SMYD3: variants seen among roughly 807,000 people sequenced by gnomAD.
The protein encoded by SMYD3 is SET and MYND domain containing 3.
A neutral mutation model predicts 57.7 loss-of-function variants in SMYD3; 36 were observed. That is an observed-to-expected ratio of 0.62 (90% CI 0.48 to 0.82). The LOEUF is 0.82. Ranked by LOEUF, SMYD3 falls within the 40% of genes least tolerant of loss-of-function variation. The probability of loss-of-function intolerance (pLI) is 0.00; values close to 1 mark genes in which losing one functional copy is unlikely to be tolerated. For missense variants in SMYD3, 515 were observed against 538.8 expected (o/e 0.96, Z 0.44); for synonymous variants, 211 against 195.0 (o/e 1.08, Z -0.68).
intron 10 of SMYD3, among the ~76,000 whole-genome samples, chr1:245,799,448 T>TTTAGTCCCTCCTGCCTACCTTCTACTCTA (rs2047747254): frequency 1.8e-4 from 1 of 5,608 alleles, no homozygotes; most frequent in Non-Finnish European, 4.1e-4. Context: ...CAAGTGCTGT[T>TTTAGTCCCTCCTGCCTACCTTCTACTCTA]ATAGTCCCTC....
chr1:246,381,303 T>C (rs1281048348), intron 1 of SMYD3, among the ~76,000 whole-genome samples: 1 of 152,198 alleles, frequency 6.6e-6, no homozygotes, highest in African/African-American at 2.4e-5. Context: ...CCAGCGAATA[T>C]CTGGTAGATA....
chr1:246,406,298 T>C (rs2066865462), intron 1 of SMYD3, among the ~76,000 whole-genome samples: 1 of 152,178 alleles, frequency 6.6e-6, no homozygotes, highest in Non-Finnish European at 1.5e-5. Context: ...GTAAATCTAT[T>C]AGTACCATGC....
chr1:246,119,771 C>T (rs951035898), intron 5 of SMYD3, among the ~76,000 whole-genome samples: 1 of 152,166 alleles, frequency 6.6e-6, no homozygotes, highest in Non-Finnish European at 1.5e-5. Context: ...AGCCCTGCTG[C>T]CTCGCCAGTT....
chr1:246,462,511 A>G (rs1008349242), intron 1 of SMYD3, among the ~76,000 whole-genome samples: 30 of 152,158 alleles, frequency 2.0e-4, no homozygotes, highest in Non-Finnish European at 3.8e-4. Context: ...GAAGGGTCAC[A>G]CAGACCCCAC....
At chr1:245,922,454 G>A (rs2056041528) in intron 7 of SMYD3, among the ~76,000 whole-genome samples, 1 of 152,218 alleles carries the variant, frequency 6.6e-6, no homozygotes, top group Non-Finnish European at 1.5e-5. Flanking sequence ...TTATTCAACA[G>A]TTGTAGCAAT....
At chr1:245,848,101 G>T (rs1056109520) in intron 10 of SMYD3, among the ~76,000 whole-genome samples, 14 of 87,096 alleles carry the variant, frequency 1.6e-4, no homozygotes, top group African/African-American at 4.9e-4. Flanking sequence ...CAGAGATAAA[G>T]TCTTTTTTTT....
At position 245,936,320 on chromosome 1, in the gene SMYD3, G is replaced by GA. The variant is rs201231503; in HGVS notation, c.532-6384dup. 5.4e-3 allele frequency among the ~76,000 whole-genome samples: 807 copies of GA among 150,792 alleles called. 8 individuals carry two copies. Among genetic ancestry groups the GA allele is most frequent in the African/African-American group, 0.019 (777 of 41,312 alleles). On this transcript the variant is annotated intron_variant, in intron 5 of 11. Transcript: ENST00000490107. ...GCATCTCAAGACATCTCTAATATTT[G>GA]AAAAAATGTTAGGAGGAGAACATAC...
intron 5 of SMYD3, among the ~76,000 whole-genome samples, chr1:246,034,238 C>T (rs1483840939): frequency 1.3e-5 from 2 of 152,180 alleles, no homozygotes; most frequent in Non-Finnish European, 2.9e-5. Flanking sequence ...AACATACACA[C>T]TTTTTGGAAC....
chr1:246,404,469 G>A (rs1333121451), intron 1 of SMYD3, among the ~76,000 whole-genome samples: 2 of 152,182 alleles, frequency 1.3e-5, no homozygotes, highest in East Asian at 1.9e-4. Context: ...ACATGGCCAC[G>A]AGGCCTCCAT....
At chr1:246,493,712 T>C (rs979315560) in intron 1 of SMYD3, among the ~76,000 whole-genome samples, 1 of 151,806 alleles carries the variant, frequency 6.6e-6, no homozygotes, top group Non-Finnish European at 1.5e-5. Flanking sequence ...AGCACTACTG[T>C]CACCACTATT....
At chr1:246,192,158 G>T (rs539021308) in intron 5 of SMYD3, among the ~76,000 whole-genome samples, 5 of 152,144 alleles carry the variant, frequency 3.3e-5, no homozygotes, top group Non-Finnish European at 4.4e-5. Flanking sequence ...GAGTGCAGTG[G>T]TATTATTATA....
At chr1:246,112,196 A>T (rs946150) in intron 5 of SMYD3, among the ~76,000 whole-genome samples, 24,806 of 152,194 alleles carry the variant, frequency 0.16, 3,620 homozygotes, top group African/African-American at 0.39. Flanking sequence ...TGCATATTGT[A>T]ACTCTCTCCA....
intron 5 of SMYD3, among the ~76,000 whole-genome samples, chr1:246,155,136 C>T (rs933081385): frequency 6.6e-6 from 1 of 152,030 alleles, no homozygotes; most frequent in African/African-American, 2.4e-5. Context: ...GCTTTCTTCC[C>T]TCCCAAACTC....
At chr1:246,252,748 G>T (rs1227991190) in intron 5 of SMYD3, among the ~76,000 whole-genome samples, 1 of 152,128 alleles carries the variant, frequency 6.6e-6, no homozygotes, top group Admixed American at 6.5e-5. Flanking sequence ...TATAGAATTT[G>T]TGTATAGCAG....
In SMYD3 at chr1:246,015,332, G is replaced by GT. The variant is rs1558152506; in HGVS notation, c.532-85396dup. Among the ~76,000 whole-genome samples, 14 of 152,260 alleles carry GT rather than the reference G, an allele frequency of 9.2e-5. 1 individual carries two copies. The Middle Eastern group carries it at 0.024, about 259-fold the overall frequency. ...GTCCTATAAGCTAAAGATAACAGAAGTTCCCCTATCCAACAATCTCAGGAA... is the reference window on the plus strand; with the variant it reads ...GTCCTATAAGCTAAAGATAACAGAAGTTTCCCCTATCCAACAATCTCAGGAA... On this transcript the variant is annotated intron_variant, in intron 5 of 11. Transcript: ENST00000490107.
intron 5 of SMYD3, among the ~76,000 whole-genome samples, chr1:246,204,509 A>G (rs769677583): frequency 4.6e-5 from 7 of 152,178 alleles, no homozygotes; most frequent in Admixed American, 1.3e-4. Context: ...TTTCTTTAGA[A>G]CAACCCAATG....
intron 5 of SMYD3, among the ~76,000 whole-genome samples, chr1:245,973,038 C>T (rs1313795431): frequency 6.6e-6 from 1 of 152,190 alleles, no homozygotes; most frequent in African/African-American, 2.4e-5. Flanking sequence ...ACCACTACTG[C>T]CACACCTACC....
intron 5 of SMYD3, among the ~76,000 whole-genome samples, chr1:245,944,318 T>C (rs1426508644): frequency 1.3e-5 from 2 of 151,480 alleles, no homozygotes; most frequent in Admixed American, 1.3e-4. Context: ...AAAATCAATG[T>C]GCAAAAATCA....
chr1:246,334,653 A>C (rs1377952903), intron 3 of SMYD3, among the ~76,000 whole-genome samples: 1 of 152,226 alleles, frequency 6.6e-6, no homozygotes, highest in Non-Finnish European at 1.5e-5. Flanking sequence ...TCATACCCCA[A>C]ACCTCAGCAT....
Sources: gnomAD v4.1 joint callset for allele counts (sites outside exome capture counted in the v4.1 genomes callset) on GRCh38, gnomAD v4.1.1 for gene constraint, MANE v1.5 for transcripts, NCBI Gene and HGNC (gene_info 2026-07-23, HGNC 2026-07-21) for gene names.